PRIM2: variants seen among roughly 807,000 people sequenced by gnomAD.
PRIM2 encodes DNA primase large subunit.
A neutral mutation model predicts 67.3 loss-of-function variants in PRIM2; 39 were observed. That is an observed-to-expected ratio of 0.58 (90% confidence interval 0.45 to 0.76). The LOEUF is 0.76. Ranked by LOEUF, PRIM2 falls within the 30% of genes least tolerant of loss-of-function variation. The pLI is 0.00. For missense variants in PRIM2, 398 were observed against 598.7 expected (o/e 0.66, Z 3.50); for synonymous variants, 143 against 198.7 (o/e 0.72, Z 2.36).
At chr6:57,579,667 A>G (rs1410133248) in intron 10 of PRIM2, among the ~76,000 whole-genome samples, 21 of 152,228 alleles carry the variant, frequency 1.4e-4, no homozygotes, top group African/African-American at 5.1e-4. Flanking sequence ...ATTAATTTTG[A>G]CATTGATAGA....
chr6:57,435,503 T>G (rs1359255525), intron 7 of PRIM2, among the ~76,000 whole-genome samples: 1 of 152,194 alleles, frequency 6.6e-6, no homozygotes, highest in Non-Finnish European at 1.5e-5. Flanking sequence ...ATTTTGAAAC[T>G]GAGGAGAAAC....
chr6:57,543,473 T>C (rs1209843257), intron 10 of PRIM2, among the ~76,000 whole-genome samples: 1 of 152,222 alleles, frequency 6.6e-6, no homozygotes, highest in Non-Finnish European at 1.5e-5. Flanking sequence ...TTAATATTTG[T>C]GTCCTCATTG....
chr6:57,265,772 C>A, the PRIM2 span, among the ~76,000 whole-genome samples: 3 of 152,178 alleles, frequency 2.0e-5, no homozygotes, highest in Non-Finnish European at 4.4e-5. Context: ...TCAATTTGCT[C>A]ATTTGGAGCA....
chr6:57,362,387 G>T (rs1205834432), intron 5 of PRIM2, among the ~76,000 whole-genome samples: 1 of 151,972 alleles, frequency 6.6e-6, no homozygotes, highest in Non-Finnish European at 1.5e-5. Context: ...TACTCTTATT[G>T]CTTGAATAAA....
the PRIM2 span, among the ~76,000 whole-genome samples, chr6:57,265,906 C>A: frequency 6.6e-6 from 1 of 152,114 alleles, no homozygotes; most frequent in African/African-American, 2.4e-5. Flanking sequence ...AATGTACTGT[C>A]AAAATATGGT....
At chr6:57,453,169 T>A (rs1772618562) in intron 7 of PRIM2, among the ~76,000 whole-genome samples, 2 of 152,228 alleles carry the variant, frequency 1.3e-5, no homozygotes, top group African/African-American at 2.4e-5. Flanking sequence ...ACAAATACCA[T>A]GCTGTTTTGG....
chr6:57,383,399 A>C (rs552917772), intron 7 of PRIM2: 51 of 152,306 alleles, frequency 3.3e-4, no homozygotes, highest in African/African-American at 1.2e-3. Context: ...CCCAGTCTCC[A>C]TGACAACCAA....
chr6:57,527,999 C>G (rs1774797285), intron 8 of PRIM2, among the ~76,000 whole-genome samples: 1 of 151,706 alleles, frequency 6.6e-6, no homozygotes, highest in South Asian at 2.1e-4. Flanking sequence ...GGTCTCAATC[C>G]CTCATCCAGG....
rs1318465285 is a variant in PRIM2, at chr6:57,588,653, T to A, written c.1021-12440T>A. On this transcript the variant is annotated intron_variant, in intron 10 of 13. Transcript: ENST00000615550. Reference sequence around the variant, plus strand: ...GTGGAGCTTGCTGTGAGTTAAAAATTTCAGGTTTTTCCAGTTGTTTTAACT... The same window carrying A: ...GTGGAGCTTGCTGTGAGTTAAAAATATCAGGTTTTTCCAGTTGTTTTAACT... Among the ~76,000 whole-genome samples, 56 of 152,090 alleles carry A rather than the reference T, an allele frequency of 3.7e-4. No homozygotes were observed. In the East Asian group the frequency reaches 7.4e-3, roughly 20 times the overall value.
rs1581917344 is a variant in PRIM2 at position 57,451,818 on chromosome 6, C to CTTT, written c.694-55569_694-55568insTTT. ...TAATTATACTTTAAGTTTTAGGGTA[C>CTTT]ATGTGCACTATGTGCAGGTTAATTA... On this transcript the variant is annotated intron_variant, in intron 7 of 13. Coordinates refer to ENST00000615550, the MANE Select transcript of PRIM2 (RefSeq NM_000947.5). Among the ~76,000 whole-genome samples the CTTT allele has an allele frequency of 7.4e-5, 11 of 149,308 alleles. No homozygotes were observed. The East Asian group carries it at 1.8e-3, about 24-fold the overall frequency.
chr6:57,426,005 A>T (rs1346687153), intron 7 of PRIM2, among the ~76,000 whole-genome samples: 2 of 152,290 alleles, frequency 1.3e-5, no homozygotes, highest in East Asian at 3.9e-4. Context: ...CTAATAACTC[A>T]ATATTTCTTT....
At chr6:57,288,262 G>A in the PRIM2 span, among the ~76,000 whole-genome samples, 1 of 152,150 alleles carries the variant, frequency 6.6e-6, no homozygotes, top group Non-Finnish European at 1.5e-5. Flanking sequence ...AGGCGGTTTG[G>A]TGCTCACAGC....
At chr6:57,408,693 G>T (rs1770983744) in intron 7 of PRIM2, among the ~76,000 whole-genome samples, 1 of 152,106 alleles carries the variant, frequency 6.6e-6, no homozygotes, top group Non-Finnish European at 1.5e-5. Context: ...GATCTGCATT[G>T]TGCTTTCGAC....
rs1554348336 is a variant in PRIM2, at chr6:57,516,933, C to T, written c.761+9479C>T. 5.4e-3 allele frequency among the ~76,000 whole-genome samples: 827 copies of T among 152,058 alleles called. 10 individuals carry two copies. The highest frequency in any genetic ancestry group is 0.025 in the Admixed American group (382 of 15,266). ...GGAGGTATGTGATTATATGTGAGCA[C>T]GTAGCATCCTGGAAATAATGAAACT... On this transcript the variant is annotated intron_variant, in intron 8 of 13. Coordinates refer to ENST00000615550, the MANE Select transcript of PRIM2 (RefSeq NM_000947.5).
At chr6:57,291,205 G>C in the PRIM2 span, among the ~76,000 whole-genome samples, 3 of 152,122 alleles carry the variant, frequency 2.0e-5, no homozygotes, top group Non-Finnish European at 4.4e-5. Context: ...ACTACCATCA[G>C]AGAATACTAT....
At chr6:57,349,988 G>T (rs1218042135) in intron 5 of PRIM2, among the ~76,000 whole-genome samples, 7 of 152,096 alleles carry the variant, frequency 4.6e-5, no homozygotes, top group Non-Finnish European at 5.9e-5. Context: ...AGAGCCCAAA[G>T]CAAAAATAAT....
chr6:57,542,993 C>T (rs1375485847), intron 10 of PRIM2, among the ~76,000 whole-genome samples: 12 of 122,518 alleles, frequency 9.8e-5, no homozygotes, highest in Non-Finnish European at 1.6e-4. Context: ...GGCTGGAGTG[C>T]AGTGGCGCAA....
intron 7 of PRIM2, among the ~76,000 whole-genome samples, chr6:57,450,497 C>T (rs1238758547): frequency 6.6e-6 from 1 of 152,300 alleles, no homozygotes; most frequent in South Asian, 2.1e-4. Context: ...TAAGTACTTC[C>T]TATTTCTATC....
upstream of PRIM2, among the ~76,000 whole-genome samples, chr6:57,310,887 T>TTCC (rs1767368937): frequency 2.6e-5 from 3 of 115,096 alleles, no homozygotes; most frequent in African/African-American, 6.6e-5. Context: ...CGCTCCTCAC[T>TTCC]TCCCAGACGG....
Sources: allele counts gnomAD v4.1 joint callset (sites outside exome capture counted in the v4.1 genomes callset), GRCh38; gene constraint gnomAD v4.1.1; transcripts MANE v1.5; gene names NCBI Gene and HGNC (gene_info 2026-07-23, HGNC 2026-07-21).